The following PLEKHA1 variants were observed in gnomAD, a reference collection of about 807,000 sequenced individuals.
PLEKHA1 encodes pleckstrin homology domain-containing family A member 1.
A neutral mutation model predicts 52.0 loss-of-function variants in PLEKHA1; 34 were observed. That is an observed-to-expected ratio of 0.65 (90% CI 0.50 to 0.87). PLEKHA1 has a LOEUF of 0.87. Among genes scored for constraint, PLEKHA1 ranks in the 40% least tolerant of loss-of-function variants. The pLI, the probability that PLEKHA1 is intolerant of heterozygous loss-of-function variation, is 0.00. For synonymous variants in PLEKHA1, 163 were observed against 170.7 expected, an observed-to-expected ratio of 0.95 and a Z score of 0.35; for missense variants, 497 against 504.2, an observed-to-expected ratio of 0.99 and a Z score of 0.14.
intron 9 of PLEKHA1, 113 bp downstream of exon 9, chr10:122,424,376 T>G: frequency 8.2e-7 from 1 of 1,217,036 alleles, no homozygotes; most frequent in Middle Eastern, 2.6e-4. Flanking sequence ...GTAGTTATTT[T>G]TAACTCTTTA....
In PLEKHA1 at chr10:122,430,195, G is replaced by A. The variant is rs1052679404; in HGVS notation, c.*257G>A. The A allele has an allele frequency of 2.2e-5, 8 of 355,608 alleles. 1 individual carries two copies. The highest frequency in any genetic ancestry group is 9.3e-5 in the East Asian group (2 of 21,598). 22.0% of individuals were successfully genotyped at this position (355,608 alleles called of 1,614,324 possible). ...TCTGAAGCATTGTGTGTTCTCATTC[G>A]GGTGGTAACAATGTATGTGTAATAT... On this transcript the variant is annotated 3_prime_UTR_variant, in exon 12 of 12. Transcript: ENST00000368990.
At chr10:122,436,743 T>G (rs1322816834), downstream of PLEKHA1, 1 of 151,638 alleles carries the variant, frequency 6.6e-6, no homozygotes, top group East Asian at 1.9e-4. Context: ...AGTGTTGTGA[T>G]GGAGAGGGCC....
chr10:122,426,074 C>CT (rs1425535865), intron 10 of PLEKHA1, among the ~76,000 whole-genome samples: 2 of 152,136 alleles, frequency 1.3e-5, no homozygotes. Flanking sequence ...TGTATTGTGT[C>CT]TGTGTTACTC....
At chr10:122,438,456 G>T in the PLEKHA1 span, 1 of 152,280 alleles carries the variant, frequency 6.6e-6, no homozygotes, top group Non-Finnish European at 1.5e-5. Flanking sequence ...GGGTAGGAAG[G>T]CACAGTATGT....
chr10:122,402,846 T>C lies in PLEKHA1; in HGVS notation c.244+2458T>C, dbSNP rs61871721. Among the ~76,000 whole-genome samples, 643 of 152,270 alleles carry C rather than the reference T, an allele frequency of 4.2e-3. 1 individual carries two copies. The highest frequency in any genetic ancestry group is 7.6e-3 in the Non-Finnish European group (517 of 68,010). On this transcript the variant is annotated intron_variant, in intron 4 of 11. Transcript: ENST00000368990. Reference sequence around the variant, plus strand: ...GCACGAAACTGAAAATAGGAAGATATCTTAAATGAAAGTCTGCACAATCAG... The same window carrying C: ...GCACGAAACTGAAAATAGGAAGATACCTTAAATGAAAGTCTGCACAATCAG...
At chr10:122,401,588 A>G (rs1441478882) in intron 4 of PLEKHA1, among the ~76,000 whole-genome samples, 4 of 152,188 alleles carry the variant, frequency 2.6e-5, no homozygotes, top group African/African-American at 9.6e-5. Context: ...AATGTTTGCT[A>G]TGGAGTTGAA....
downstream of PLEKHA1, chr10:122,436,096 C>T (rs1358877272): frequency 1.3e-5 from 2 of 152,164 alleles, no homozygotes; most frequent in African/African-American, 4.8e-5. Context: ...TGGAAGCAGA[C>T]TTAGCCACTT....
At chr10:122,389,072 G>A (rs1402552393) in intron 1 of PLEKHA1, among the ~76,000 whole-genome samples, 3 of 152,126 alleles carry the variant, frequency 2.0e-5, no homozygotes, top group African/African-American at 7.2e-5. Flanking sequence ...CTCCTCTTGT[G>A]AATCATGAAT....
At chr10:122,442,345 A>G in the PLEKHA1 span, 3 of 152,018 alleles carry the variant, frequency 2.0e-5, no homozygotes, top group Admixed American at 2.0e-4. Flanking sequence ...AATAGCCTTA[A>G]TGTTTTTTTT....
rs536774540 is a variant in PLEKHA1, at chr10:122,401,908, A to G, written c.244+1520A>G. Among the ~76,000 whole-genome samples, 4 of 152,320 alleles carry G rather than the reference A, an allele frequency of 2.6e-5. No individual in the cohort carries two copies. In the South Asian group the frequency reaches 8.3e-4, roughly 32 times the overall value. On this transcript the variant is annotated intron_variant, in intron 4 of 11. Coordinates refer to ENST00000368990, the MANE Select transcript of PLEKHA1 (RefSeq NM_001001974.4). ...AGATTTCTTTAGGCAGTAGTTAGGA[A>G]TAGCATCTTGATATGAGCAAGATGA...
At chr10:122,404,733 C>A (rs1474457863) in intron 4 of PLEKHA1, among the ~76,000 whole-genome samples, 3 of 152,168 alleles carry the variant, frequency 2.0e-5, no homozygotes, top group Non-Finnish European at 4.4e-5. Flanking sequence ...TGTTAAATTT[C>A]TTTTAAGGTT....
chr10:122,425,029 C>A (rs565819437), intron 10 of PLEKHA1, 70 bp downstream of exon 10: 2 of 1,376,882 alleles, frequency 1.5e-6, no homozygotes, highest in Admixed American at 2.1e-5. Context: ...GTGAAATAAA[C>A]ATAAACAAGC....
intron 2 of PLEKHA1, among the ~76,000 whole-genome samples, chr10:122,396,234 A>T (rs1245016173): frequency 6.6e-6 from 1 of 152,136 alleles, no homozygotes; most frequent in Non-Finnish European, 1.5e-5. Flanking sequence ...AACTGAAAAG[A>T]AATAAATTAT....
In PLEKHA1 at chr10:122,386,016, C is replaced by A. The variant is rs774074182; in HGVS notation, c.-20-7165C>A. 6.1e-4 allele frequency among the ~76,000 whole-genome samples: 93 copies of A among 152,018 alleles called. 1 individual carries two copies. Among genetic ancestry groups the A allele is most frequent in the Admixed American group, 3.3e-3 (50 of 15,256 alleles). On this transcript the variant is annotated intron_variant, in intron 1 of 11. Coordinates refer to ENST00000368990, the MANE Select transcript of PLEKHA1 (RefSeq NM_001001974.4). ...GATAAATACCTAGGAGTGGGATTGCCGGGTTGTTCGCTAAGGATCTGTTTA... is the reference window on the plus strand; with the variant it reads ...GATAAATACCTAGGAGTGGGATTGCAGGGTTGTTCGCTAAGGATCTGTTTA...
chr10:122,375,950 T>G (rs1371728379), intron 1 of PLEKHA1, among the ~76,000 whole-genome samples: 1 of 152,234 alleles, frequency 6.6e-6, no homozygotes, highest in Admixed American at 6.5e-5. Flanking sequence ...CCTGTGTGTT[T>G]AATGACTGGA....
At chr10:122,425,870 T>C (rs1418245088) in intron 10 of PLEKHA1, 3 of 152,204 alleles carry the variant, frequency 2.0e-5, no homozygotes, top group South Asian at 4.1e-4. Flanking sequence ...ACCATTCTTA[T>C]GATTTTGCTC....
downstream of PLEKHA1, chr10:122,435,577 T>G (rs1464566209): frequency 6.6e-6 from 1 of 152,216 alleles, no homozygotes; most frequent in Non-Finnish European, 1.5e-5. Flanking sequence ...AATTATAAAT[T>G]TTTTATTTAG....
downstream of PLEKHA1, chr10:122,435,136 A>G (rs2097433532): frequency 6.6e-6 from 1 of 152,208 alleles, no homozygotes; most frequent in South Asian, 2.1e-4. Context: ...TTGTACCTTT[A>G]TCAAAAGTTC....
chr10:122,378,807 C>G (rs2096574166), intron 1 of PLEKHA1, among the ~76,000 whole-genome samples: 1 of 151,314 alleles, frequency 6.6e-6, no homozygotes, highest in Non-Finnish European at 1.5e-5. Context: ...AACATTCAAT[C>G]TCATATATAT....
Sources: gnomAD v4.1 joint callset for allele counts (sites outside exome capture counted in the v4.1 genomes callset) on GRCh38, gnomAD v4.1.1 for gene constraint, MANE v1.5 for transcripts, NCBI Gene and HGNC (gene_info 2026-07-23, HGNC 2026-07-21) for gene names.